CSMD1: variants seen among roughly 807,000 people sequenced by gnomAD.
CSMD1 encodes the protein CUB and Sushi multiple domains 1.
Under a neutral mutation model 417.5 loss-of-function variants are expected in CSMD1, and 213 were observed. The observed-to-expected ratio is 0.51, with a 90% CI of 0.46 to 0.57. CSMD1 has a LOEUF of 0.57. Ranked by LOEUF, CSMD1 falls within the 20% of genes least tolerant of loss-of-function variation. CSMD1 has a pLI of 0.00. For synonymous variants in CSMD1, 2,862 were observed against 1,736.8 expected, an observed-to-expected ratio of 1.65 and a Z score of -16.11; for missense variants, 6,923 against 4,529.7, an observed-to-expected ratio of 1.53 and a Z score of -15.17.
At chr8:4,012,394 A>G (rs188254564) in intron 4 of CSMD1, among the ~76,000 whole-genome samples, 1 of 152,038 alleles carries the variant, frequency 6.6e-6, no homozygotes, top group Non-Finnish European at 1.5e-5. Context: ...GATCTCATCC[A>G]GTTTGCGTCG....
intron 1 of CSMD1, among the ~76,000 whole-genome samples, chr8:4,771,362 G>A (rs1316184433): frequency 6.6e-6 from 1 of 152,194 alleles, no homozygotes; most frequent in Non-Finnish European, 1.5e-5. Context: ...ACCAGGCTTT[G>A]GGCCCTCTTC....
intron 5 of CSMD1, among the ~76,000 whole-genome samples, chr8:3,920,244 G>C (rs2912299): frequency 1.3e-5 from 2 of 151,500 alleles, no homozygotes; most frequent in African/African-American, 4.9e-5. Context: ...CATGTTGCCC[G>C]GGATGCTCTT....
At chr8:3,152,823 G>A (rs1299632832) in intron 39 of CSMD1, among the ~76,000 whole-genome samples, 1 of 152,222 alleles carries the variant, frequency 6.6e-6, no homozygotes, top group Non-Finnish European at 1.5e-5. Context: ...CTTTGTCCAT[G>A]CAGCTGCTGA....
At chr8:4,629,213 T>C (rs1802356619) in intron 2 of CSMD1, among the ~76,000 whole-genome samples, 1 of 152,200 alleles carries the variant, frequency 6.6e-6, no homozygotes, top group African/African-American at 2.4e-5. Context: ...AATGAAAAGT[T>C]TGTACTTTAT....
intron 1 of CSMD1, among the ~76,000 whole-genome samples, chr8:4,718,746 A>G (rs528227344): frequency 2.0e-5 from 3 of 152,070 alleles, no homozygotes; most frequent in Non-Finnish European, 2.9e-5. Flanking sequence ...AAAAACAACC[A>G]ATTTTATAAA....
intron 2 of CSMD1, among the ~76,000 whole-genome samples, chr8:4,435,766 T>C (rs1402299723): frequency 6.6e-6 from 1 of 152,134 alleles, no homozygotes; most frequent in Non-Finnish European, 1.5e-5. Flanking sequence ...AAAAGTACCA[T>C]ACCTTTGACA....
At chr8:4,187,250 G>T (rs1483310715) in intron 3 of CSMD1, among the ~76,000 whole-genome samples, 1 of 152,150 alleles carries the variant, frequency 6.6e-6, no homozygotes, top group Non-Finnish European at 1.5e-5. Context: ...TGTGCTTATG[G>T]CAGAGACTTA....
At chr8:3,756,643 C>G (rs1395179676) in intron 5 of CSMD1, among the ~76,000 whole-genome samples, 1 of 152,154 alleles carries the variant, frequency 6.6e-6, no homozygotes, top group Non-Finnish European at 1.5e-5. Flanking sequence ...TGATAGAAGA[C>G]TATGAATACA....
At chr8:3,809,163 G>C (rs1379111115) in intron 5 of CSMD1, among the ~76,000 whole-genome samples, 1 of 152,044 alleles carries the variant, frequency 6.6e-6, no homozygotes, top group Non-Finnish European at 1.5e-5. Context: ...AGCCCCCACA[G>C]ACCTCATTCT....
intron 5 of CSMD1, among the ~76,000 whole-genome samples, chr8:3,933,944 G>A (rs550495606): frequency 8.6e-5 from 13 of 151,994 alleles, no homozygotes; most frequent in Non-Finnish European, 1.5e-4. Flanking sequence ...AACCAGCCAG[G>A]GACCTAGGCA....
At chr8:3,752,548 G>T (rs1269327763) in intron 6 of CSMD1, among the ~76,000 whole-genome samples, 3 of 151,714 alleles carry the variant, frequency 2.0e-5, no homozygotes, top group African/African-American at 7.3e-5. Flanking sequence ...CAGCTACTCG[G>T]GAGCCTGAGA....
At chr8:3,817,115 TAG>T (rs1801414331) in intron 5 of CSMD1, among the ~76,000 whole-genome samples, 1 of 151,962 alleles carries the variant, frequency 6.6e-6, no homozygotes, top group Non-Finnish European at 1.5e-5. Context: ...GAAGATCTTA[TAG>T]AGAGAGCTCT....
chr8:3,909,183 A>G (rs1219854254), intron 5 of CSMD1, among the ~76,000 whole-genome samples: 3 of 152,172 alleles, frequency 2.0e-5, no homozygotes, highest in Non-Finnish European at 4.4e-5. Context: ...GCTGTAGCTA[A>G]GATTTGTGGA....
chr8:4,281,440 C>T (rs774834536), intron 3 of CSMD1, among the ~76,000 whole-genome samples: 8 of 152,090 alleles, frequency 5.3e-5, no homozygotes, highest in Non-Finnish European at 8.8e-5. Flanking sequence ...ATTAACACTT[C>T]AGAAGGAAAC....
rs149247791 is a variant in CSMD1 at position 3,457,384 on chromosome 8, C to G, written c.1561+11328G>C. On this transcript the variant is annotated intron_variant, in intron 12 of 69. Coordinates refer to ENST00000635120, the MANE Select transcript of CSMD1 (RefSeq NM_033225.6). ...CTTCAGTTTCTCTCATTCTCAGTCT[C>G]AGATGGCACAAACTTTCTTTCTGCT... Among the ~76,000 whole-genome samples, 10 of 152,320 alleles carry G rather than the reference C, an allele frequency of 6.6e-5. No individual in the cohort carries two copies. The East Asian group carries it at 1.9e-3, about 29-fold the overall frequency.
intron 3 of CSMD1, among the ~76,000 whole-genome samples, chr8:4,135,462 G>C (rs1803373376): frequency 6.6e-6 from 1 of 151,922 alleles, no homozygotes. Context: ...GAAGCAAAAT[G>C]AATATAACTT....
chr8:4,177,778 G>C (rs112191728), intron 3 of CSMD1, among the ~76,000 whole-genome samples: 60 of 151,700 alleles, frequency 4.0e-4, no homozygotes, highest in African/African-American at 1.4e-3. Context: ...AATACAAACT[G>C]CCATCAGAGA....
intron 41 of CSMD1, among the ~76,000 whole-genome samples, chr8:3,133,210 C>A (rs1817890404): frequency 6.6e-6 from 1 of 151,746 alleles, no homozygotes; most frequent in African/African-American, 2.4e-5. Context: ...TCCTCCTGGG[C>A]CTTCTTGGCT....
At chr8:4,238,781 G>A (rs1023494201) in intron 3 of CSMD1, among the ~76,000 whole-genome samples, 3 of 152,162 alleles carry the variant, frequency 2.0e-5, no homozygotes, top group South Asian at 2.1e-4. Context: ...GTTGGGTAAA[G>A]AAGACTTAGG....
Sources: allele counts gnomAD v4.1 joint callset (sites outside exome capture counted in the v4.1 genomes callset), GRCh38; gene constraint gnomAD v4.1.1; transcripts MANE v1.5; gene names NCBI Gene and HGNC (gene_info 2026-07-23, HGNC 2026-07-21).